The following FHAD1 variants were observed in gnomAD, a reference collection of about 807,000 sequenced individuals.
FHAD1 encodes forkhead associated phosphopeptide binding domain 1, also known as forkhead-associated domain-containing protein 1.
A neutral mutation model predicts 191.3 loss-of-function variants in FHAD1; 146 were observed. The observed-to-expected ratio is 0.76, with a 90% CI of 0.67 to 0.88. The LOEUF (loss-of-function observed/expected upper bound fraction) is 0.88, where lower values mean the gene tolerates loss of function less well. Ranked by LOEUF, FHAD1 falls within the 40% of genes least tolerant of loss-of-function variation. The pLI, the probability that FHAD1 is intolerant of heterozygous loss-of-function variation, is 0.00. For synonymous variants in FHAD1, 616 were observed against 672.3 expected, an observed-to-expected ratio of 0.92 and a Z score of 1.29; for missense variants, 1,635 against 1,785.8, an observed-to-expected ratio of 0.92 and a Z score of 1.52.
chr1:15,374,848 GTTTT>G lies in FHAD1; in HGVS notation c.3577+225_3577+228del, dbSNP rs1240141194. ...TTTCATGCATAACTCACTATTGTAC[GTTTT>G]TTTTTTTGTTTGTTTTTTTTTTTTG... On this transcript the variant is annotated intron_variant, in intron 27 of 33. Transcript: ENST00000688493. 6.4e-3 allele frequency among the ~76,000 whole-genome samples: 684 copies of G among 107,618 alleles called. 20 individuals carry two copies. Among genetic ancestry groups the G allele is most frequent in the African/African-American group, 0.037 (650 of 17,528 alleles). 70.6% of individuals were successfully genotyped at this position (107,618 alleles called of 152,430 possible).
At chr1:15,359,141 G>T (rs555770195) in intron 21 of FHAD1, among the ~76,000 whole-genome samples, 3 of 152,134 alleles carry the variant, frequency 2.0e-5, no homozygotes, top group Admixed American at 6.5e-5. Flanking sequence ...GGGTCATGGT[G>T]GGGGGTTCTC....
At chr1:15,339,899 C>T (rs886887852) in intron 15 of FHAD1, among the ~76,000 whole-genome samples, 1 of 152,106 alleles carries the variant, frequency 6.6e-6, no homozygotes, top group Non-Finnish European at 1.5e-5. Flanking sequence ...AATCTCGGCT[C>T]ATTGCAACCT....
chr1:15,308,305 T>C (rs1035878833), intron 6 of FHAD1, among the ~76,000 whole-genome samples: 7 of 152,222 alleles, frequency 4.6e-5, no homozygotes, highest in Non-Finnish European at 1.5e-5. Context: ...AGGTGATCTG[T>C]TTATGGCTGA....
At chr1:15,247,632 C>A (rs574782218) in intron 1 of FHAD1, among the ~76,000 whole-genome samples, 1 of 152,262 alleles carries the variant, frequency 6.6e-6, no homozygotes, top group Admixed American at 6.5e-5. Context: ...TCCTTGGCAC[C>A]AGCCATGCCA....
At chr1:15,324,202 C>T (rs898195429) in intron 10 of FHAD1, among the ~76,000 whole-genome samples, 1 of 152,110 alleles carries the variant, frequency 6.6e-6, no homozygotes, top group Non-Finnish European at 1.5e-5. Flanking sequence ...TGCTAGGGAC[C>T]GGGCTGGGAT....
chr1:15,294,391 G>A (rs1666205001), intron 4 of FHAD1, among the ~76,000 whole-genome samples: 1 of 152,070 alleles, frequency 6.6e-6, no homozygotes, highest in African/African-American at 2.4e-5. Flanking sequence ...TTGTTGTGGG[G>A]CTGTCCCGTG....
rs762720779 is a variant in FHAD1, at chr1:15,360,606, C to A, written c.2865C>A (p.Ala955=). Residue 955 remains alanine (A), a synonymous_variant, in exon 22 of 34, where the codon GCC becomes GCA. Transcript: ENST00000688493. ...ATAAGGAGCAAATCAAACAGCACGC[C>A]CAGACAATTGTGAGCCTCGAAGAGA... ...MEYKEQIKQH[A]QTIVSLEEKL... 6.4e-6 allele frequency: 10 copies of A among 1,551,888 alleles called. No homozygotes were observed. In the South Asian group the frequency reaches 1.1e-4, roughly 17 times the overall value.
At chr1:15,282,612 A>G (rs1247758322) in intron 3 of FHAD1, among the ~76,000 whole-genome samples, 1 of 152,240 alleles carries the variant, frequency 6.6e-6, no homozygotes, top group African/African-American at 2.4e-5. Flanking sequence ...CTTCTTTGCT[A>G]TCATAGTTTA....
chr1:15,272,674 T>G, intron 3 of FHAD1, 145 bp downstream of exon 3: 1 of 715,964 alleles, frequency 1.4e-6, no homozygotes, highest in South Asian at 1.9e-5. Flanking sequence ...GAGTGGACCC[T>G]GTGGAGTTCT....
In FHAD1 at chr1:15,388,044, C is replaced by A; in HGVS notation, c.4189-7C>A. On this transcript the variant is annotated splice_polypyrimidine_tract_variant and splice_region_variant and intron_variant, in intron 31 of 33. Transcript: ENST00000688493. Reference sequence around the variant, plus strand: ...ACTCTCTTGCTAACCTGATACTTTTCACTCAGGAAAGTGTAGAGGAGCACG... The same window carrying A: ...ACTCTCTTGCTAACCTGATACTTTTAACTCAGGAAAGTGTAGAGGAGCACG... 1 of 1,287,532 alleles carries A rather than the reference C, an allele frequency of 7.8e-7. No homozygotes were observed. The highest frequency in any genetic ancestry group is 1.0e-6 in the Non-Finnish European group (1 of 986,734). 79.8% of individuals were successfully genotyped at this position (1,287,532 alleles called of 1,614,324 possible).
chr1:15,357,874 G>A (rs1255891280), intron 20 of FHAD1: 1 of 429,810 alleles, frequency 2.3e-6, no homozygotes, highest in African/African-American at 2.1e-5. Context: ...AGCTCCAGGT[G>A]ACAGAACTGA....
chr1:15,385,852 G>C (rs1701984079), intron 31 of FHAD1, among the ~76,000 whole-genome samples: 1 of 152,162 alleles, frequency 6.6e-6, no homozygotes, highest in Non-Finnish European at 1.5e-5. Context: ...AAAATGTTGG[G>C]GAAAACCTCA....
intron 7 of FHAD1, among the ~76,000 whole-genome samples, chr1:15,309,102 C>G (rs1057402323): frequency 1.3e-5 from 2 of 152,222 alleles, no homozygotes; most frequent in African/African-American, 4.8e-5. Context: ...TAGAATGTGG[C>G]TAAAATGGGG....
At chr1:15,321,587 C>G (rs1209656956) in intron 10 of FHAD1, among the ~76,000 whole-genome samples, 2 of 151,734 alleles carry the variant, frequency 1.3e-5, no homozygotes, top group Non-Finnish European at 2.9e-5. Context: ...TAATATTTTT[C>G]TAGAGTCAAC....
At chr1:15,302,714 T>C (rs1214707233) in intron 6 of FHAD1, among the ~76,000 whole-genome samples, 1 of 150,708 alleles carries the variant, frequency 6.6e-6, no homozygotes, top group Non-Finnish European at 1.5e-5. Context: ...CGAGACTCCG[T>C]CTCAAAAAAA....
chr1:15,300,291 A>G (rs1209479742), intron 5 of FHAD1, among the ~76,000 whole-genome samples: 2 of 152,136 alleles, frequency 1.3e-5, no homozygotes, highest in East Asian at 1.9e-4. Flanking sequence ...GCCAAGCCCA[A>G]AGTTTTTTCC....
At chr1:15,359,852 A>G (rs1694126247) in intron 21 of FHAD1, among the ~76,000 whole-genome samples, 1 of 152,162 alleles carries the variant, frequency 6.6e-6, no homozygotes, top group South Asian at 2.1e-4. Flanking sequence ...CAGGAGGCTG[A>G]GGCAGGAGAA....
intron 6 of FHAD1, among the ~76,000 whole-genome samples, chr1:15,307,734 C>CT (rs1173045025): frequency 0.04 from 5,767 of 145,420 alleles, 136 homozygotes; most frequent in Non-Finnish European, 0.053. Flanking sequence ...ACCTCTTTCT[C>CT]TTTTTTTTTT....
chr1:15,379,679 A>G (rs12090278), intron 28 of FHAD1, among the ~76,000 whole-genome samples: 2,512 of 152,316 alleles, frequency 0.016, 75 homozygotes, highest in African/African-American at 0.057. Flanking sequence ...GCAGAGGTCC[A>G]TGCGGCTTCC....
Sources: allele counts gnomAD v4.1 joint callset (sites outside exome capture counted in the v4.1 genomes callset), GRCh38; gene constraint gnomAD v4.1.1; transcripts MANE v1.5; gene names NCBI Gene and HGNC (gene_info 2026-07-23, HGNC 2026-07-21).